SENP6: variants seen among roughly 807,000 people sequenced by gnomAD.
The protein encoded by SENP6 is sentrin-specific protease 6.
In SENP6, 41 loss-of-function variants were observed where a neutral mutation model predicts 134.5. The ratio of observed to expected loss-of-function variants is 0.30; its 90% CI spans 0.24 to 0.40. SENP6 has a LOEUF of 0.40. Ranked by LOEUF, SENP6 falls within the 10% of genes least tolerant of loss-of-function variation. The pLI is 1.00. For synonymous variants in SENP6, 395 were observed against 429.8 expected, an observed-to-expected ratio of 0.92 and a Z score of 1.00; for missense variants, 1,248 against 1,312.5, an observed-to-expected ratio of 0.95 and a Z score of 0.76.
chr6:75,663,103 T>C (rs1290632216), intron 8 of SENP6, 118 bp from the exon 9 acceptor site: 5 of 992,808 alleles, frequency 5.0e-6, no homozygotes, highest in Non-Finnish European at 7.4e-6. Context: ...TGCCAAAATC[T>C]TTTATTTCTT....
intron 7 of SENP6, among the ~76,000 whole-genome samples, chr6:75,650,776 T>C (rs1464921745): frequency 6.6e-6 from 1 of 152,210 alleles, no homozygotes; most frequent in Non-Finnish European, 1.5e-5. Flanking sequence ...ATATGAAGAT[T>C]GCATTTTATT....
chr6:75,643,721 A>G (rs1047444605), intron 6 of SENP6, among the ~76,000 whole-genome samples: 3 of 152,192 alleles, frequency 2.0e-5, no homozygotes, highest in African/African-American at 7.2e-5. Flanking sequence ...CGCCATCTCA[A>G]AAAAATGAAA....
chr6:75,678,296 T>C lies in SENP6; in HGVS notation c.1849-287T>C, dbSNP rs544128768. ...TTTTTTTGAAAGGTTATTTGAATTT[T>C]ACCAGCATTATTTAATTTCATGTAG... On this transcript the variant is annotated intron_variant, in intron 14 of 23. Transcript: ENST00000447266. The C allele has an allele frequency of 2.5e-5, 6 of 240,232 alleles. No homozygotes were observed. In the South Asian group the frequency reaches 4.5e-4, roughly 18 times the overall value. The allele number at this position is 240,232 out of a possible 1,614,324, so 14.9% of individuals were successfully genotyped here.
At chr6:75,605,583 C>G (rs1205739150) in intron 1 of SENP6, among the ~76,000 whole-genome samples, 2 of 152,056 alleles carry the variant, frequency 1.3e-5, no homozygotes, top group African/African-American at 4.8e-5. Context: ...AACACCTTAA[C>G]TAAGAGACAC....
chr6:75,665,208 C>T (rs910475690), intron 9 of SENP6, among the ~76,000 whole-genome samples: 27 of 152,144 alleles, frequency 1.8e-4, no homozygotes, highest in African/African-American at 6.3e-4. Context: ...ATGGCATCAA[C>T]CCAGGAGGTG....
chr6:75,628,822 C>T lies in SENP6; in HGVS notation c.208-4759C>T, dbSNP rs1419266923. On this transcript the variant is annotated intron_variant, in intron 3 of 23. Transcript: ENST00000447266. ...GCAGCCTCTTCCTCCTAGGCTCAAG[C>T]GATCCTACCGCCTCAGCCTCCCAAG... Among the ~76,000 whole-genome samples, 12 of 152,154 alleles carry T rather than the reference C, an allele frequency of 7.9e-5. No homozygotes were observed. In the East Asian group the frequency reaches 1.9e-3, roughly 25 times the overall value.
At chr6:75,629,532 T>G (rs1768951375) in intron 3 of SENP6, among the ~76,000 whole-genome samples, 1 of 152,148 alleles carries the variant, frequency 6.6e-6, no homozygotes. Context: ...ACTCCAGACC[T>G]CAGGTGATCC....
At chr6:75,658,408 A>G (rs1296706507) in intron 7 of SENP6, among the ~76,000 whole-genome samples, 1 of 152,114 alleles carries the variant, frequency 6.6e-6, no homozygotes, top group African/African-American at 2.4e-5. Context: ...GGAAACTAGA[A>G]GTATTTAACA....
Position 75,712,448 on chromosome 6 carries a change from AG to A in SENP6, c.2909+1034del, listed in dbSNP as rs756723141. On this transcript the variant is annotated intron_variant, in intron 21 of 23. Coordinates refer to ENST00000447266, the MANE Select transcript of SENP6 (RefSeq NM_015571.4). ...TGCTAGCACTTCTGAAGACCAAAGC[AG>A]GAGGACCGCATGAGGCCAGGAGTGC... is the stretch of plus-strand genomic sequence containing the variant. 3.3e-5 allele frequency among the ~76,000 whole-genome samples: 5 copies of A among 152,128 alleles called. No homozygotes were observed. The South Asian group carries it at 6.2e-4, about 19-fold the overall frequency.
In SENP6 at chr6:75,715,657, A is replaced by G; in HGVS notation, c.*63A>G. On this transcript the variant is annotated 3_prime_UTR_variant, in exon 24 of 24. Coordinates refer to ENST00000447266, the MANE Select transcript of SENP6 (RefSeq NM_015571.4). ...AAATGACTTTCAAATTTGGGTATAG[A>G]CAATAAAGAACTGAAGTGCTCACTA... is the stretch of plus-strand genomic sequence containing the variant. 1 of 1,236,798 alleles carries G rather than the reference A, an allele frequency of 8.1e-7. No homozygotes were observed. Among genetic ancestry groups the G allele is most frequent in the Admixed American group, 2.0e-5 (1 of 49,832 alleles). The allele number at this position is 1,236,798 out of a possible 1,614,324, so 76.6% of individuals were successfully genotyped here. A position where few individuals can be genotyped will look rare whatever the true frequency, so the allele number is the denominator to read the frequency against.
intron 1 of SENP6, among the ~76,000 whole-genome samples, chr6:75,610,377 TA>T (rs1396986253): frequency 6.6e-6 from 1 of 152,194 alleles, no homozygotes; most frequent in Non-Finnish European, 1.5e-5. Flanking sequence ...GTTGTATACC[TA>T]AGTCATATTA....
At chr6:75,637,751 C>T (rs987257834) in intron 5 of SENP6, among the ~76,000 whole-genome samples, 1 of 152,010 alleles carries the variant, frequency 6.6e-6, no homozygotes, top group Non-Finnish European at 1.5e-5. Flanking sequence ...TCCCCCGCAA[C>T]TTAGGGGGAT....
chr6:75,698,915 G>C (rs996965259), intron 18 of SENP6, among the ~76,000 whole-genome samples: 2 of 151,684 alleles, frequency 1.3e-5, no homozygotes, highest in African/African-American at 4.8e-5. Flanking sequence ...GGAGGCTGAG[G>C]CAGGAGGATC....
At chr6:75,711,453 T>A (rs1230788017) in intron 21 of SENP6, 37 bp downstream of exon 21, 1 of 1,357,970 alleles carries the variant, frequency 7.4e-7, no homozygotes, top group Non-Finnish European at 1.0e-6. Flanking sequence ...ACTACATAAT[T>A]TTTAAGTATG....
At chr6:75,696,206 A>AT (rs1774650528) in intron 17 of SENP6, among the ~76,000 whole-genome samples, 2 of 152,218 alleles carry the variant, frequency 1.3e-5, no homozygotes, top group Non-Finnish European at 2.9e-5. Flanking sequence ...AGTTTACAAA[A>AT]TTAATATAAT....
Position 75,678,836 on chromosome 6 carries a change from G to T in SENP6, c.1984G>T (p.Ala662Ser). The T allele has an allele frequency of 6.2e-7, 1 of 1,606,504 alleles. No homozygotes were observed. The highest frequency in any genetic ancestry group is 8.5e-7 in the Non-Finnish European group (1 of 1,174,096). ...EKLIVYPPPP[A>S]KGGISVTNED... is the part of the protein sequence containing the mutation. Reference sequence around the variant, plus strand: ...GTTGATAGTATATCCACCACCTCCAGCTAAGGGAGGCATCTCTGTTACCAA... The same window carrying T: ...GTTGATAGTATATCCACCACCTCCATCTAAGGGAGGCATCTCTGTTACCAA... The change falls in exon 16 of 24, where the codon GCT (alanine) becomes TCT (serine). Residue 662 changes from alanine to serine, a missense_variant. Around this residue, in one of 3 missense-constraint regions of SENP6, gnomAD observed 129 missense variants for 192.0 expected, o/e 0.67. Coordinates refer to ENST00000447266, the MANE Select transcript of SENP6 (RefSeq NM_015571.4).
At chr6:75,689,858 T>G (rs778859769) in intron 16 of SENP6, among the ~76,000 whole-genome samples, 7 of 152,196 alleles carry the variant, frequency 4.6e-5, no homozygotes, top group African/African-American at 7.2e-5. Context: ...CATGATGCCT[T>G]TCTCAGAACA....
At chr6:75,704,120 G>A (rs1424153416) in intron 19 of SENP6, among the ~76,000 whole-genome samples, 1 of 152,056 alleles carries the variant, frequency 6.6e-6, no homozygotes, top group Non-Finnish European at 1.5e-5. Context: ...GGTATGTCTC[G>A]TCAGGTGGGA....
intron 1 of SENP6, among the ~76,000 whole-genome samples, chr6:75,616,118 G>A (rs1767830270): frequency 1.3e-5 from 2 of 152,056 alleles, no homozygotes; most frequent in African/African-American, 4.8e-5. Flanking sequence ...TTTTAGTGGA[G>A]GATATGGAGA....
Sources: allele counts gnomAD v4.1 joint callset (sites outside exome capture counted in the v4.1 genomes callset), GRCh38; gene constraint gnomAD v4.1.1; regional missense constraint gnomAD v4.1.1; transcripts MANE v1.5; gene names NCBI Gene and HGNC (gene_info 2026-07-23, HGNC 2026-07-21).